ITPK1: variants seen among roughly 807,000 people sequenced by gnomAD.
ITPK1 encodes inositol 1,3,4-trisphosphate 5/6-kinase.
A neutral mutation model predicts 45.3 loss-of-function variants in ITPK1; 21 were observed. That is an observed-to-expected ratio of 0.46 (90% CI 0.33 to 0.67). ITPK1 has a LOEUF of 0.67. Ranked by LOEUF, ITPK1 falls within the 30% of genes least tolerant of loss-of-function variation. ITPK1 has a pLI of 0.02. For missense variants in ITPK1, 474 were observed against 573.5 expected, an observed-to-expected ratio of 0.83 and a Z score of 1.77; for synonymous variants, 258 against 253.6, an observed-to-expected ratio of 1.02 and a Z score of -0.16.
chr14:93,020,127 G>A (rs1348315537), intron 3 of ITPK1, among the ~76,000 whole-genome samples: 1 of 152,164 alleles, frequency 6.6e-6, no homozygotes, highest in Non-Finnish European at 1.5e-5. Flanking sequence ...AGAAAACAAG[G>A]GGCCACTGTT....
intron 2 of ITPK1, among the ~76,000 whole-genome samples, chr14:93,112,359 G>A (rs985582072): frequency 7.9e-5 from 12 of 151,872 alleles, no homozygotes; most frequent in Non-Finnish European, 1.3e-4. Flanking sequence ...TTTTTACAAG[G>A]CCGGACATTC....
rs934373931 is a variant in ITPK1 at position 92,940,499 on chromosome 14, TGA to T, written c.*1060_*1061del. ...CTGGCTCAGTGCTTGGGGCTTGCAA[TGA>T]GAGGTGGACCAGGCCTGCTGGGTGA... On this transcript the variant is annotated 3_prime_UTR_variant, in exon 11 of 11. Coordinates refer to ENST00000267615, the MANE Select transcript of ITPK1 (RefSeq NM_014216.6). 4 of 1,142,264 alleles carry T rather than the reference TGA, an allele frequency of 3.5e-6. No individual in the cohort carries two copies. In the African/African-American group the frequency reaches 6.6e-5, roughly 19 times the overall value. 70.8% of individuals were successfully genotyped at this position (1,142,264 alleles called of 1,614,324 possible).
chr14:93,043,521 A>G (rs567951179), intron 3 of ITPK1, among the ~76,000 whole-genome samples: 9 of 152,306 alleles, frequency 5.9e-5, no homozygotes, highest in African/African-American at 1.9e-4. Flanking sequence ...AGCAGGGGAA[A>G]TGCCATCCTG....
chr14:93,027,525 A>G (rs1888799787), intron 3 of ITPK1, among the ~76,000 whole-genome samples: 1 of 152,168 alleles, frequency 6.6e-6, no homozygotes, highest in Non-Finnish European at 1.5e-5. Context: ...ACAGCTAATG[A>G]TGAAGGAGCT....
Position 92,958,505 on chromosome 14 carries a change from C to T in ITPK1, c.505-139G>A. 1 of 752,558 alleles carries T rather than the reference C, an allele frequency of 1.3e-6. No homozygotes were observed. The highest frequency in any genetic ancestry group is 2.2e-6 in the Non-Finnish European group (1 of 460,848). The allele number at this position is 752,558 out of a possible 1,614,324, so 46.6% of individuals were successfully genotyped here. A position where few individuals can be genotyped will look rare whatever the true frequency, so the allele number is the denominator to read the frequency against. On this transcript the variant is annotated intron_variant, in intron 7 of 10. Transcript: ENST00000267615. The surrounding 1 kb of genome is among the most constrained non-coding windows in gnomAD (Gnocchi z 4.4). ...TGGCATGAGGACTCCCCTAGAGGAG[C>T]CTTGAGCCAGGGTGAGTGGAGTGGG...
intron 5 of ITPK1, among the ~76,000 whole-genome samples, chr14:92,970,550 G>GA (rs1885595219): frequency 6.6e-6 from 1 of 152,252 alleles, no homozygotes; most frequent in Admixed American, 6.5e-5. Flanking sequence ...TATATGGCAG[G>GA]AAACTGGGGC....
chr14:93,057,786 C>T lies in ITPK1; in HGVS notation c.120+18809G>A, dbSNP rs914000154. Reference sequence around the variant, plus strand: ...TTCATGCTCTCCCATGGGGGCCACACGACTCAGGGCTCACCCACCAGGCAC... The same window carrying T: ...TTCATGCTCTCCCATGGGGGCCACATGACTCAGGGCTCACCCACCAGGCAC... On this transcript the variant is annotated intron_variant, in intron 3 of 10. Coordinates refer to ENST00000267615, the MANE Select transcript of ITPK1 (RefSeq NM_014216.6). Among the ~76,000 whole-genome samples the T allele has an allele frequency of 3.3e-5, 5 of 152,306 alleles. 1 individual carries two copies. Among genetic ancestry groups the T allele is most frequent in the Non-Finnish European group, 7.4e-5 (5 of 68,026 alleles).
At chr14:92,946,901 G>T (rs1032490039) in intron 9 of ITPK1, among the ~76,000 whole-genome samples, 1 of 152,060 alleles carries the variant, frequency 6.6e-6, no homozygotes, top group African/African-American at 2.4e-5. Context: ...AGTGTGTCAG[G>T]GACCCGGGAA....
chr14:92,988,020 C>T lies in ITPK1; in HGVS notation c.364+5860G>A, dbSNP rs146790314. On this transcript the variant is annotated intron_variant, in intron 5 of 10. Coordinates refer to ENST00000267615, the MANE Select transcript of ITPK1 (RefSeq NM_014216.6). ...GAGCCACAAGCACAATCCTGCTCTG[C>T]GGAGCCTCCCCTGCACTGAAAGGGC... 1.7e-4 allele frequency among the ~76,000 whole-genome samples: 26 copies of T among 152,336 alleles called. No homozygotes were observed. In the South Asian group the frequency reaches 4.3e-3, roughly 25 times the overall value.
chr14:93,114,689 G>A (rs1307526293), intron 2 of ITPK1, among the ~76,000 whole-genome samples: 3 of 152,166 alleles, frequency 2.0e-5, no homozygotes, highest in African/African-American at 4.8e-5. Context: ...AGGGGACGAA[G>A]GAAGAAAAAC....
At chr14:92,947,871 A>C (rs1887760480) in intron 9 of ITPK1, among the ~76,000 whole-genome samples, 1 of 152,134 alleles carries the variant, frequency 6.6e-6, no homozygotes, top group Non-Finnish European at 1.5e-5. Flanking sequence ...CGGGGTACAC[A>C]CCCCAGAGCT....
intron 3 of ITPK1, among the ~76,000 whole-genome samples, chr14:93,046,598 G>GT (rs1889785399): frequency 6.7e-6 from 1 of 149,942 alleles, no homozygotes; most frequent in Non-Finnish European, 1.5e-5. Flanking sequence ...CGGGGGCGGG[G>GT]GGGGGCGGCG....
intron 2 of ITPK1, among the ~76,000 whole-genome samples, chr14:93,112,172 C>T (rs1892780780): frequency 6.6e-6 from 1 of 152,044 alleles, no homozygotes; most frequent in Non-Finnish European, 1.5e-5. Context: ...GCCTTATTGT[C>T]GGAGATGCCC....
At chr14:92,975,091 C>T (rs1219861631) in intron 5 of ITPK1, among the ~76,000 whole-genome samples, 3 of 152,214 alleles carry the variant, frequency 2.0e-5, no homozygotes, top group Non-Finnish European at 4.4e-5. Context: ...GGAGGTGTGA[C>T]CTGTAAAGCC....
At chr14:92,977,396 C>A (rs1219610947) in intron 5 of ITPK1, among the ~76,000 whole-genome samples, 1 of 152,154 alleles carries the variant, frequency 6.6e-6, no homozygotes, top group African/African-American at 2.4e-5. Flanking sequence ...AACTCTTGAC[C>A]CTTAGGCATT....
Position 93,063,939 on chromosome 14 carries a change from G to A in ITPK1, c.120+12656C>T, listed in dbSNP as rs1213075194. On this transcript the variant is annotated intron_variant, in intron 3 of 10. Transcript: ENST00000267615. This position sits in a 1 kb window ranked among gnomAD's most constrained non-coding sequence, Gnocchi z 4.3. ...TACATGCGCATTCTAGAACTCTGAA[G>A]CAATCCTACTAGGTGCTTACTGCCC... Among the ~76,000 whole-genome samples the A allele has an allele frequency of 6.6e-6, 1 of 152,098 alleles. No homozygotes were observed. Among genetic ancestry groups the A allele is most frequent in the African/African-American group, 2.4e-5 (1 of 41,404 alleles).
intron 2 of ITPK1, among the ~76,000 whole-genome samples, chr14:93,080,419 A>G (rs1891389372): frequency 6.6e-6 from 1 of 152,264 alleles, no homozygotes; most frequent in East Asian, 1.9e-4. Flanking sequence ...GATGCTTGAT[A>G]AAAGCACGAA....
chr14:92,970,675 G>A (rs938074885), intron 5 of ITPK1, among the ~76,000 whole-genome samples: 1 of 150,488 alleles, frequency 6.6e-6, no homozygotes, highest in Non-Finnish European at 1.5e-5. Context: ...TCGCTCTGTC[G>A]CCCAGGCTGG....
chr14:93,072,603 T>C (rs1259888831), intron 3 of ITPK1, among the ~76,000 whole-genome samples: 1 of 148,946 alleles, frequency 6.7e-6, no homozygotes, highest in South Asian at 2.1e-4. Context: ...TCATCTCTTA[T>C]CAAATATTAT....
Sources: allele counts gnomAD v4.1 joint callset (sites outside exome capture counted in the v4.1 genomes callset), GRCh38; gene constraint gnomAD v4.1.1; non-coding constraint Gnocchi (gnomAD v3.1); transcripts MANE v1.5; gene names NCBI Gene and HGNC (gene_info 2026-07-23, HGNC 2026-07-21).